Variants in B3GALT1 observed in about 807,000 individuals in gnomAD.
The protein encoded by B3GALT1 is UDP-Gal:betaGlcNAc beta 1,3-galactosyltransferase, polypeptide 1.
Under a neutral mutation model 23.2 loss-of-function variants are expected in B3GALT1, and 10 were observed. The observed-to-expected ratio is 0.43, with a 90% CI of 0.27 to 0.73. B3GALT1 has a LOEUF of 0.73. Among genes scored for constraint, B3GALT1 ranks in the 30% least tolerant of loss-of-function variants. The probability of loss-of-function intolerance (pLI) is 0.21; values close to 1 mark genes in which losing one functional copy is unlikely to be tolerated. For synonymous variants in B3GALT1, 156 were observed against 141.5 expected (o/e 1.10, Z -0.73); for missense variants, 299 against 405.4 (o/e 0.74, Z 2.25).
At chr2:167,312,757 T>A (rs1424388598) in intron 1 of B3GALT1, among the ~76,000 whole-genome samples, 1 of 152,210 alleles carries the variant, frequency 6.6e-6, no homozygotes, top group South Asian at 2.1e-4. Flanking sequence ...TGGGAAAAAC[T>A]ATCACTCTTC....
rs1271061662 is a variant in B3GALT1, at chr2:167,873,120, GTTTTAGACAGT to G, written c.*3101_*3111del. On this transcript the variant is annotated 3_prime_UTR_variant, in exon 5 of 5. Transcript: ENST00000392690. ...ATTTCCCTGACATAAAATATGCAAT[GTTTTAGACAGT>G]ATTCTACCAAGAGTCTCTCAGACAA... The G allele has an allele frequency of 6.6e-6, 1 of 152,106 alleles. No homozygotes were observed. Among genetic ancestry groups the G allele is most frequent in the Non-Finnish European group, 1.5e-5 (1 of 68,026 alleles). 9.4% of individuals were successfully genotyped at this position (152,106 alleles called of 1,614,324 possible).
intron 3 of B3GALT1, chr2:167,716,198 G>A: frequency 9.8e-7 from 1 of 1,024,462 alleles, no homozygotes; most frequent in Non-Finnish European, 1.4e-6. Context: ...GGAGCCGGCT[G>A]CGGAGGGAGC....
intron 1 of B3GALT1, among the ~76,000 whole-genome samples, chr2:167,409,634 T>C (rs1698360609): frequency 6.6e-6 from 1 of 152,070 alleles, no homozygotes. Flanking sequence ...AGCTGGTTAT[T>C]CTAGTTAGCA....
rs551137684 is a variant in B3GALT1, at chr2:167,716,032, A to G, written c.-352+69066A>G. 3.7e-6 allele frequency: 6 copies of G among 1,607,606 alleles called. No homozygotes were observed. In the African/African-American group the frequency reaches 4.0e-5, roughly 11 times the overall value. On this transcript the variant is annotated intron_variant, in intron 3 of 4. Coordinates refer to ENST00000392690, the MANE Select transcript of B3GALT1 (RefSeq NM_020981.4). ...CGTAGCTCCTCCAGGACCAGCCCCAAGTAGGGCCGAGCGGTAGCGCCGGGC... is the reference window on the plus strand; with the variant it reads ...CGTAGCTCCTCCAGGACCAGCCCCAGGTAGGGCCGAGCGGTAGCGCCGGGC...
chr2:167,404,980 G>A (rs1055739051), intron 1 of B3GALT1, among the ~76,000 whole-genome samples: 2 of 152,098 alleles, frequency 1.3e-5, no homozygotes, highest in South Asian at 2.1e-4. Flanking sequence ...AAAAAATCCC[G>A]AATGTCAATA....
intron 1 of B3GALT1, among the ~76,000 whole-genome samples, chr2:167,370,358 A>G (rs1697663196): frequency 7.0e-6 from 1 of 143,604 alleles, no homozygotes; most frequent in Non-Finnish European, 1.5e-5. Flanking sequence ...CAAGGATTGA[A>G]TGACAGAACC....
intron 4 of B3GALT1, among the ~76,000 whole-genome samples, chr2:167,832,126 A>G (rs1263924731): frequency 6.6e-6 from 1 of 152,232 alleles, no homozygotes; most frequent in Non-Finnish European, 1.5e-5. Context: ...GGCTGACACT[A>G]GTTTGAATCC....
At chr2:167,698,948 C>T (rs761457206) in intron 3 of B3GALT1, among the ~76,000 whole-genome samples, 39 of 152,250 alleles carry the variant, frequency 2.6e-4, no homozygotes, top group Non-Finnish European at 4.7e-4. Flanking sequence ...GTGGAATTTC[C>T]ATCCCCAAAG....
At chr2:167,662,475 G>C (rs1237208706) in intron 3 of B3GALT1, among the ~76,000 whole-genome samples, 3 of 152,070 alleles carry the variant, frequency 2.0e-5, no homozygotes, top group Non-Finnish European at 4.4e-5. Context: ...GAAAAACTAA[G>C]TTTGTCATCC....
chr2:167,620,081 C>T (rs1363170807), intron 2 of B3GALT1, among the ~76,000 whole-genome samples: 4 of 152,062 alleles, frequency 2.6e-5, no homozygotes, highest in Non-Finnish European at 5.9e-5. Flanking sequence ...ATGATAAGTT[C>T]GCTGAGATCT....
intron 2 of B3GALT1, among the ~76,000 whole-genome samples, chr2:167,629,990 A>G (rs1685412406): frequency 7.6e-6 from 1 of 131,042 alleles, no homozygotes; most frequent in Non-Finnish European, 1.6e-5. Context: ...TCCAACTCTA[A>G]ATGTTATGAC....
intron 4 of B3GALT1, among the ~76,000 whole-genome samples, chr2:167,830,124 G>A (rs549400647): frequency 2.3e-4 from 35 of 152,266 alleles, no homozygotes; most frequent in African/African-American, 7.7e-4. Flanking sequence ...TGTCGTTCTC[G>A]CCAATGCCCA....
chr2:167,455,250 C>A (rs1187223705), intron 1 of B3GALT1, among the ~76,000 whole-genome samples: 1 of 152,120 alleles, frequency 6.6e-6, no homozygotes, highest in African/African-American at 2.4e-5. Context: ...AAAATTCAGA[C>A]CAACTGGAAC....
At chr2:167,601,883 A>C (rs1273937760) in intron 2 of B3GALT1, among the ~76,000 whole-genome samples, 1 of 152,202 alleles carries the variant, frequency 6.6e-6, no homozygotes, top group Non-Finnish European at 1.5e-5. Flanking sequence ...TAAAAACCTC[A>C]AATATCTGTA....
At chr2:167,544,098 A>G (rs1278389537) in intron 2 of B3GALT1, among the ~76,000 whole-genome samples, 1 of 152,220 alleles carries the variant, frequency 6.6e-6, no homozygotes, top group Non-Finnish European at 1.5e-5. Flanking sequence ...AACCTTCCCC[A>G]GAATACATGC....
chr2:167,300,430 T>G lies in B3GALT1; in HGVS notation c.-511+7096T>G, dbSNP rs374090818. ...AATCACAGTTAAATTCCAAAGAGATTGTTGTAAAATGTACAGATATTCTAA... is the reference window on the plus strand; with the variant it reads ...AATCACAGTTAAATTCCAAAGAGATGGTTGTAAAATGTACAGATATTCTAA... On this transcript the variant is annotated intron_variant, in intron 1 of 4. Coordinates refer to ENST00000392690, the MANE Select transcript of B3GALT1 (RefSeq NM_020981.4). Among the ~76,000 whole-genome samples the G allele has an allele frequency of 1.3e-4, 20 of 152,296 alleles. No individual in the cohort carries two copies. The South Asian group carries it at 1.7e-3, about 13-fold the overall frequency.
chr2:167,715,096 A>T lies in B3GALT1; in HGVS notation c.-352+68130A>T, dbSNP rs1320400017. 4 of 1,613,424 alleles carry T rather than the reference A, an allele frequency of 2.5e-6. No homozygotes were observed. In the East Asian group the frequency reaches 8.9e-5, roughly 36 times the overall value. ...CTCCTTCTAAGGCTTTTAAAGAAACATTTAAGTTAGCAGCATGAATCAGTT... is the reference window on the plus strand; with the variant it reads ...CTCCTTCTAAGGCTTTTAAAGAAACTTTTAAGTTAGCAGCATGAATCAGTT... On this transcript the variant is annotated intron_variant, in intron 3 of 4. Coordinates refer to ENST00000392690, the MANE Select transcript of B3GALT1 (RefSeq NM_020981.4).
intron 3 of B3GALT1, among the ~76,000 whole-genome samples, chr2:167,737,141 G>T (rs1303176306): frequency 3.3e-5 from 5 of 152,178 alleles, no homozygotes. Context: ...ATTTTGAGGA[G>T]GTGAAAAGAG....
chr2:167,513,393 A>G (rs1700058076), intron 2 of B3GALT1, among the ~76,000 whole-genome samples: 1 of 152,202 alleles, frequency 6.6e-6, no homozygotes, highest in Non-Finnish European at 1.5e-5. Flanking sequence ...CATACAAAGG[A>G]CAACAAACGC....
Sources: gnomAD v4.1 joint callset for allele counts (sites outside exome capture counted in the v4.1 genomes callset) on GRCh38, gnomAD v4.1.1 for gene constraint, MANE v1.5 for transcripts, NCBI Gene and HGNC (gene_info 2026-07-23, HGNC 2026-07-21) for gene names.